The following DHRSX variants were observed in gnomAD, a reference collection of about 807,000 sequenced individuals.
DHRSX encodes the protein polyprenol dehydrogenase.
A neutral mutation model predicts 34.0 loss-of-function variants in DHRSX; 31 were observed. The observed-to-expected ratio is 0.91, with a 90% CI of 0.69 to 1.23. The LOEUF (loss-of-function observed/expected upper bound fraction) is 1.23, where lower values mean the gene tolerates loss of function less well. Among genes scored for constraint, DHRSX ranks in the 50% most tolerant of loss-of-function variants. The pLI, the probability that DHRSX is intolerant of heterozygous loss-of-function variation, is 0.00. For synonymous variants in DHRSX, 201 were observed against 183.8 expected (o/e 1.09, Z -0.76); for missense variants, 414 against 428.1 (o/e 0.97, Z 0.29).
intron 5 of DHRSX, among the ~76,000 whole-genome samples, chrX:2,250,769 A>G (rs1000335970): frequency 6.6e-6 from 1 of 152,096 alleles, no homozygotes; most frequent in Non-Finnish European, 1.5e-5. Context: ...CCTCCAGAGA[A>G]GGCAGCCCAA....
At chrX:2,256,578 A>G (rs1301091186) in intron 5 of DHRSX, among the ~76,000 whole-genome samples, 1 of 152,062 alleles carries the variant, frequency 6.6e-6, no homozygotes, top group Non-Finnish European at 1.5e-5. Context: ...ATTGAAATTT[A>G]TTTCACCATG....
chrX:2,250,818 A>C (rs1362121216), intron 5 of DHRSX, among the ~76,000 whole-genome samples: 3 of 152,110 alleles, frequency 2.0e-5, no homozygotes, highest in African/African-American at 4.8e-5. Context: ...CCTATTCAAG[A>C]TGGCAGAGTT....
chrX:2,291,808 G>C (rs754926481), intron 3 of DHRSX, among the ~76,000 whole-genome samples: 249 of 152,020 alleles, frequency 1.6e-3, no homozygotes, highest in African/African-American at 5.9e-3. Context: ...CTGCTTCCTG[G>C]GTTCCAGTGA....
intron 1 of DHRSX, chrX:2,500,415 G>A: frequency 5.9e-6 from 1 of 170,420 alleles, no homozygotes; most frequent in Non-Finnish European, 1.3e-5. Context: ...AGGCAGAGCC[G>A]CCTGATGTCT....
At chrX:2,325,248 G>A (rs986253082) in intron 3 of DHRSX, among the ~76,000 whole-genome samples, 18 of 151,896 alleles carry the variant, frequency 1.2e-4, no homozygotes, top group Admixed American at 5.3e-4. Context: ...AGGAACTAAC[G>A]ACTAGACACG....
intron 6 of DHRSX, 121 bp downstream of exon 6, chrX:2,242,901 GC>G: frequency 2.2e-6 from 2 of 913,932 alleles, no homozygotes; most frequent in Admixed American, 5.2e-5. Context: ...CCACCACTGA[GC>G]CGTCCTGAAT....
rs182762844 is a variant in DHRSX, at chrX:2,259,911, C to T, written c.596+6829G>A. On this transcript the variant is annotated intron_variant, in intron 5 of 6. Coordinates refer to ENST00000334651, the MANE Select transcript of DHRSX (RefSeq NM_145177.3). ...TCTCTAGATCTCTAACTAATTACAC[C>T]GGCAAAGTTCTTTATTTTCAAATAA... is the stretch of plus-strand genomic sequence containing the variant. Among the ~76,000 whole-genome samples, 5 of 152,196 alleles carry T rather than the reference C, an allele frequency of 3.3e-5. No homozygotes were observed. In the East Asian group the frequency reaches 7.7e-4, roughly 23 times the overall value.
intron 3 of DHRSX, among the ~76,000 whole-genome samples, chrX:2,351,011 A>G (rs1413974866): frequency 3.9e-5 from 6 of 152,208 alleles, no homozygotes; most frequent in African/African-American, 1.4e-4. Flanking sequence ...GTTTTCACTC[A>G]TAAGTGGGAG....
intron 6 of DHRSX, among the ~76,000 whole-genome samples, chrX:2,240,675 G>A (rs1468035001): frequency 6.6e-6 from 1 of 152,000 alleles, no homozygotes; most frequent in African/African-American, 2.4e-5. Flanking sequence ...CTCAACCCAT[G>A]CGGTTTTGAA....
chrX:2,455,615 C>G (rs1439264584), intron 1 of DHRSX, among the ~76,000 whole-genome samples: 4 of 151,774 alleles, frequency 2.6e-5, no homozygotes, highest in Middle Eastern at 3.2e-3. Flanking sequence ...GTGGCACACA[C>G]CTATAATCCC....
At chrX:2,301,980 C>T (rs151155047) in intron 3 of DHRSX, among the ~76,000 whole-genome samples, 3,743 of 152,080 alleles carry the variant, frequency 0.025, 124 homozygotes, top group African/African-American at 0.075. Flanking sequence ...CGTGGGGTCC[C>T]GGGTCCCCAG....
At chrX:2,456,569 A>C (rs1369276525) in intron 1 of DHRSX, among the ~76,000 whole-genome samples, 1 of 149,026 alleles carries the variant, frequency 6.7e-6, no homozygotes, top group Non-Finnish European at 1.5e-5. Context: ...AGCTGACATC[A>C]CAGCACTGCA....
chrX:2,295,823 C>T (rs1454503126), intron 3 of DHRSX, among the ~76,000 whole-genome samples: 2 of 152,144 alleles, frequency 1.3e-5, no homozygotes, highest in African/African-American at 4.8e-5. Context: ...TGTATTTTCA[C>T]GCGGTTCCGG....
At chrX:2,460,044 G>T (rs917117583) in intron 1 of DHRSX, among the ~76,000 whole-genome samples, 8 of 152,160 alleles carry the variant, frequency 5.3e-5, no homozygotes, top group African/African-American at 1.9e-4. Flanking sequence ...GGAGGTGGAG[G>T]TTGCAGTGAG....
At chrX:2,413,973 T>C (rs1010421727) in intron 2 of DHRSX, among the ~76,000 whole-genome samples, 1 of 151,564 alleles carries the variant, frequency 6.6e-6, no homozygotes, top group African/African-American at 2.4e-5. Flanking sequence ...CACCTCATCA[T>C]AACTTAACTG....
At position 2,294,819 on chromosome X, in the gene DHRSX, GGA is replaced by G. The variant is rs774213565; in HGVS notation, c.287-3218_287-3217del. 3.3e-5 allele frequency among the ~76,000 whole-genome samples: 5 copies of G among 150,738 alleles called. 1 individual carries two copies. The highest frequency in any genetic ancestry group is 5.9e-5 in the Non-Finnish European group (4 of 67,536). On this transcript the variant is annotated intron_variant, in intron 3 of 6. Coordinates refer to ENST00000334651, the MANE Select transcript of DHRSX (RefSeq NM_145177.3). ...GGAGAGAGAGAGAGGAAAAAGAGAG[GGA>G]GAGAGAGAGGGAGAAAGACAAAGAG...
At chrX:2,453,033 A>G (rs2044246788) in intron 1 of DHRSX, among the ~76,000 whole-genome samples, 1 of 152,194 alleles carries the variant, frequency 6.6e-6, no homozygotes, top group Non-Finnish European at 1.5e-5. Context: ...CTGGAATAGT[A>G]TGGAGCCATG....
At chrX:2,448,699 T>C (rs1448175422) in intron 1 of DHRSX, among the ~76,000 whole-genome samples, 1 of 152,230 alleles carries the variant, frequency 6.6e-6, no homozygotes, top group Non-Finnish European at 1.5e-5. Flanking sequence ...TGTATACGAT[T>C]ATTTTTTGTT....
chrX:2,364,300 G>A (rs1179828702), intron 3 of DHRSX, among the ~76,000 whole-genome samples: 1 of 152,114 alleles, frequency 6.6e-6, no homozygotes, highest in East Asian at 1.9e-4. Flanking sequence ...TGCGGTGGGG[G>A]GTATAGTGGG....
Sources: allele counts gnomAD v4.1 joint callset (sites outside exome capture counted in the v4.1 genomes callset), GRCh38; gene constraint gnomAD v4.1.1; transcripts MANE v1.5; gene names NCBI Gene and HGNC (gene_info 2026-07-23, HGNC 2026-07-21).